VWC2: variants seen among roughly 807,000 people sequenced by gnomAD.
VWC2 encodes the protein von Willebrand factor C domain containing 2.
In VWC2, 14 loss-of-function variants were observed where a neutral mutation model predicts 29.8. The ratio of observed to expected loss-of-function variants is 0.47; its 90% CI spans 0.31 to 0.74. The LOEUF is 0.74. Ranked by LOEUF, VWC2 falls within the 30% of genes least tolerant of loss-of-function variation. The pLI is 0.05. For synonymous variants in VWC2, 213 were observed against 199.0 expected, an observed-to-expected ratio of 1.07 and a Z score of -0.59; for missense variants, 457 against 459.8, an observed-to-expected ratio of 0.99 and a Z score of 0.05.
intron 3 of VWC2, among the ~76,000 whole-genome samples, chr7:49,903,778 A>C (rs1296774945): frequency 6.6e-6 from 1 of 152,202 alleles, no homozygotes. Context: ...TAGGACAGGG[A>C]CACACACAAA....
At chr7:49,782,082 G>T (rs536285081) in intron 2 of VWC2, among the ~76,000 whole-genome samples, 3 of 152,220 alleles carry the variant, frequency 2.0e-5, no homozygotes, top group Admixed American at 6.5e-5. Flanking sequence ...ACTAGTGCCT[G>T]TATTTGACAA....
intron 3 of VWC2, among the ~76,000 whole-genome samples, chr7:49,812,969 T>C (rs188166483): frequency 8.5e-5 from 13 of 152,270 alleles, no homozygotes; most frequent in Admixed American, 5.2e-4. Flanking sequence ...TACAGAAAAA[T>C]AGGCAAAGAA....
intron 3 of VWC2, among the ~76,000 whole-genome samples, chr7:49,837,491 C>T (rs1183615731): frequency 1.3e-5 from 2 of 152,146 alleles, no homozygotes; most frequent in African/African-American, 2.4e-5. Flanking sequence ...GTATCTTTCA[C>T]TTTGAGTTTT....
chr7:49,877,709 T>A (rs1791499902), intron 3 of VWC2, among the ~76,000 whole-genome samples: 1 of 149,764 alleles, frequency 6.7e-6, no homozygotes, highest in African/African-American at 2.5e-5. Context: ...TCCCATCTAG[T>A]CCTAACTTTT....
chr7:49,910,819 T>C (rs1430936679), intron 3 of VWC2, among the ~76,000 whole-genome samples: 3 of 152,118 alleles, frequency 2.0e-5, no homozygotes, highest in Admixed American at 6.5e-5. Context: ...CTTCTCAAAG[T>C]GTATCCCCAA....
intron 3 of VWC2, among the ~76,000 whole-genome samples, chr7:49,829,287 A>C (rs1371592922): frequency 6.6e-6 from 1 of 152,186 alleles, no homozygotes; most frequent in Admixed American, 6.5e-5. Context: ...GTTTTTTAGA[A>C]AATCATATCC....
intron 3 of VWC2, among the ~76,000 whole-genome samples, chr7:49,857,785 T>C (rs1562735399): frequency 6.6e-6 from 1 of 152,168 alleles, no homozygotes; most frequent in African/African-American, 2.4e-5. Context: ...AATTCTACAG[T>C]CTCACTTCTG....
At chr7:49,844,841 C>T (rs969929967) in intron 3 of VWC2, among the ~76,000 whole-genome samples, 17 of 152,008 alleles carry the variant, frequency 1.1e-4, no homozygotes, top group African/African-American at 2.4e-4. Flanking sequence ...TACAGGTGCC[C>T]GCCACTACGT....
intron 2 of VWC2, among the ~76,000 whole-genome samples, chr7:49,783,949 G>T (rs1346433725): frequency 6.6e-6 from 1 of 151,938 alleles, no homozygotes; most frequent in Non-Finnish European, 1.5e-5. Context: ...ATGCCAGGTG[G>T]CTCTGCACAT....
chr7:49,881,838 TAAAC>T (rs925533010), intron 3 of VWC2, among the ~76,000 whole-genome samples: 4 of 152,058 alleles, frequency 2.6e-5, no homozygotes, highest in African/African-American at 9.7e-5. Context: ...TTTGTACTAC[TAAAC>T]AGATATTTTT....
intron 3 of VWC2, among the ~76,000 whole-genome samples, chr7:49,903,988 G>C (rs752247423): frequency 7.9e-5 from 12 of 152,132 alleles, no homozygotes; most frequent in Non-Finnish European, 1.3e-4. Context: ...ACATAGCATG[G>C]GGGAAGGCTG....
At chr7:49,900,839 G>T (rs1052417599) in intron 3 of VWC2, among the ~76,000 whole-genome samples, 10 of 151,798 alleles carry the variant, frequency 6.6e-5, no homozygotes, top group African/African-American at 2.4e-4. Flanking sequence ...TATTTCTTAA[G>T]AATATAGATG....
chr7:49,899,495 A>C (rs1314660401), intron 3 of VWC2, among the ~76,000 whole-genome samples: 1 of 152,060 alleles, frequency 6.6e-6, no homozygotes, highest in African/African-American at 2.4e-5. Context: ...ACACCATGTT[A>C]AGACTAATCA....
At chr7:49,786,383 G>A (rs955912610) in intron 2 of VWC2, among the ~76,000 whole-genome samples, 12 of 152,090 alleles carry the variant, frequency 7.9e-5, no homozygotes, top group Non-Finnish European at 1.2e-4. Flanking sequence ...CCAATCCACC[G>A]TTGATGGGCA....
intron 3 of VWC2, among the ~76,000 whole-genome samples, chr7:49,875,525 T>C (rs1050678949): frequency 3.3e-5 from 5 of 151,808 alleles, no homozygotes; most frequent in African/African-American, 1.2e-4. Context: ...CCAGTGTCCT[T>C]GGTGTGTGGC....
chr7:49,829,014 C>T lies in VWC2; in HGVS notation c.826+26174C>T, dbSNP rs961000726. Among the ~76,000 whole-genome samples, 19 of 150,858 alleles carry T rather than the reference C, an allele frequency of 1.3e-4. No homozygotes were observed. In the East Asian group the frequency reaches 1.6e-3, roughly 12 times the overall value. ...CACACCAAGGCTCTTGCCCACAGCT[C>T]CTCTCTCTCTCTCTGCCTCATGGCT... On this transcript the variant is annotated intron_variant, in intron 3 of 3. Transcript: ENST00000340652.
intron 3 of VWC2, among the ~76,000 whole-genome samples, chr7:49,810,963 A>G (rs1160960754): frequency 6.6e-6 from 1 of 152,212 alleles, no homozygotes; most frequent in Non-Finnish European, 1.5e-5. Context: ...TTGTGTAAAT[A>G]TTTCTTAAAA....
rs913850295 is a variant in VWC2 at position 49,918,979 on chromosome 7, C to G, written c.*6794C>G. The G allele has an allele frequency of 6.6e-6, 1 of 151,460 alleles. No homozygotes were observed. The highest frequency in any genetic ancestry group is 1.5e-5 in the Non-Finnish European group (1 of 68,012). 9.4% of individuals were successfully genotyped at this position (151,460 alleles called of 1,614,324 possible). ...GCTGAGGCAGGAGAATCCCTTAAAC[C>G]GAGGGGGTGGAGGTTGCTTGAGCCG... On this transcript the variant is annotated 3_prime_UTR_variant, in exon 4 of 4. Coordinates refer to ENST00000340652, the MANE Select transcript of VWC2 (RefSeq NM_198570.5).
intron 3 of VWC2, among the ~76,000 whole-genome samples, chr7:49,870,542 G>A (rs1287782223): frequency 6.6e-6 from 1 of 152,164 alleles, no homozygotes; most frequent in Non-Finnish European, 1.5e-5. Context: ...GTGAGTAAGT[G>A]GGAGTGGTGA....
Sources: allele counts gnomAD v4.1 joint callset (sites outside exome capture counted in the v4.1 genomes callset), GRCh38; gene constraint gnomAD v4.1.1; transcripts MANE v1.5; gene names NCBI Gene and HGNC (gene_info 2026-07-23, HGNC 2026-07-21).